Variants in BMPER observed in about 807,000 individuals in gnomAD.
BMPER encodes the protein BMP-binding endothelial regulator protein.
A neutral mutation model predicts 87.3 loss-of-function variants in BMPER; 45 were observed. That is an observed-to-expected ratio of 0.52 (90% CI 0.41 to 0.66). The LOEUF is 0.66. Among genes scored for constraint, BMPER ranks in the 30% least tolerant of loss-of-function variants. The pLI, the probability that BMPER is intolerant of heterozygous loss-of-function variation, is 0.00. For synonymous variants in BMPER, 326 were observed against 316.2 expected, an observed-to-expected ratio of 1.03 and a Z score of -0.33; for missense variants, 784 against 867.5, an observed-to-expected ratio of 0.90 and a Z score of 1.21.
chr7:34,132,982 T>C (rs959728495), intron 13 of BMPER, among the ~76,000 whole-genome samples: 1 of 152,108 alleles, frequency 6.6e-6, no homozygotes, highest in African/African-American at 2.4e-5. Flanking sequence ...ATCTTTTTTT[T>C]AAATTTGAAT....
intron 13 of BMPER, among the ~76,000 whole-genome samples, chr7:34,126,958 C>T (rs1485043739): frequency 6.6e-6 from 1 of 152,138 alleles, no homozygotes; most frequent in Non-Finnish European, 1.5e-5. Flanking sequence ...AGGTACCTTA[C>T]AATGATAGCA....
intron 3 of BMPER, among the ~76,000 whole-genome samples, chr7:33,941,430 A>G (rs553556077): frequency 6.6e-6 from 1 of 151,750 alleles, no homozygotes; most frequent in African/African-American, 2.4e-5. Context: ...ATTCAAACGT[A>G]TTACATTTAT....
intron 14 of BMPER, among the ~76,000 whole-genome samples, chr7:34,148,406 A>G (rs1018153506): frequency 8.5e-5 from 13 of 152,148 alleles, no homozygotes; most frequent in East Asian, 1.9e-4. Flanking sequence ...TTAAGAATCT[A>G]TTTACACATC....
At chr7:33,913,566 A>G (rs1158865155) in intron 2 of BMPER, among the ~76,000 whole-genome samples, 4 of 152,198 alleles carry the variant, frequency 2.6e-5, no homozygotes, top group East Asian at 3.9e-4. Context: ...GGATAAACCA[A>G]TGTTGCCCGG....
At chr7:33,941,583 C>T (rs936233770) in intron 3 of BMPER, among the ~76,000 whole-genome samples, 2 of 152,156 alleles carry the variant, frequency 1.3e-5, no homozygotes, top group African/African-American at 2.4e-5. Context: ...GACAGATCTT[C>T]ACACATTAGA....
chr7:34,126,561 G>A (rs565855539), intron 13 of BMPER, among the ~76,000 whole-genome samples: 27 of 152,274 alleles, frequency 1.8e-4, no homozygotes, highest in Non-Finnish European at 3.2e-4. Context: ...CCAAGAAGGC[G>A]TATGAGGATG....
chr7:33,937,493 T>A, intron 3 of BMPER, 105 bp downstream of exon 3: 1 of 1,092,830 alleles, frequency 9.2e-7, no homozygotes, highest in Non-Finnish European at 1.4e-6. Context: ...GGGGTGCACA[T>A]GGGTGGGGAG....
intron 6 of BMPER, among the ~76,000 whole-genome samples, chr7:34,031,838 A>C: frequency 7.1e-6 from 1 of 141,650 alleles, no homozygotes; most frequent in Non-Finnish European, 1.5e-5. Flanking sequence ...AAGGTAACTC[A>C]TTTATTATTT....
intron 13 of BMPER, among the ~76,000 whole-genome samples, chr7:34,133,976 G>A (rs1790656485): frequency 6.6e-6 from 1 of 152,144 alleles, no homozygotes; most frequent in African/African-American, 2.4e-5. Context: ...AAAAAAATAT[G>A]TGACGTTCGA....
intron 6 of BMPER, among the ~76,000 whole-genome samples, chr7:33,990,723 G>A (rs1424380309): frequency 1.5e-5 from 2 of 133,080 alleles, no homozygotes; most frequent in African/African-American, 2.8e-5. Flanking sequence ...TCCAGTTTTT[G>A]CCCATTCAGT....
At chr7:33,907,074 T>C (rs151142004) in intron 2 of BMPER, among the ~76,000 whole-genome samples, 171 bp downstream of exon 2, 2 of 152,340 alleles carry the variant, frequency 1.3e-5, no homozygotes, top group East Asian at 3.9e-4. Flanking sequence ...TTTTATGGAC[T>C]TTGGCAATTT....
chr7:33,905,556 G>A lies in BMPER; in HGVS notation c.-58G>A, dbSNP rs1344177594. ...CCCTTTTCGACTGTGAGCTGCGGCA[G>A]CTGAGCAGAGGCGGCGGCGCGGGAC... On this transcript the variant is annotated 5_prime_UTR_variant, in exon 1 of 15. Transcript: ENST00000649409. 2.9e-5 allele frequency: 46 copies of A among 1,600,452 alleles called. No individual in the cohort carries two copies. Among genetic ancestry groups the A allele is most frequent in the Non-Finnish European group, 3.8e-5 (45 of 1,178,072 alleles).
chr7:34,008,022 TTTTAA>T (rs1200458588), intron 6 of BMPER, among the ~76,000 whole-genome samples: 1 of 152,178 alleles, frequency 6.6e-6, no homozygotes, highest in East Asian at 1.9e-4. Context: ...GTTATTTTAG[TTTTAA>T]TTTGATTTTA....
intron 4 of BMPER, among the ~76,000 whole-genome samples, chr7:33,969,237 A>C (rs1785476679): frequency 6.6e-6 from 1 of 152,202 alleles, no homozygotes; most frequent in Non-Finnish European, 1.5e-5. Context: ...CAGCAACAAA[A>C]ACCAAACCAA....
intron 6 of BMPER, among the ~76,000 whole-genome samples, chr7:33,975,827 T>C (rs1314311416): frequency 1.3e-5 from 2 of 152,166 alleles, no homozygotes; most frequent in Non-Finnish European, 2.9e-5. Context: ...TCTCTACATG[T>C]CTTTTCGAAA....
chr7:33,923,784 C>G (rs1312070495), intron 2 of BMPER, among the ~76,000 whole-genome samples: 1 of 152,222 alleles, frequency 6.6e-6, no homozygotes, highest in Non-Finnish European at 1.5e-5. Context: ...ATGTGATGGA[C>G]TTATAAGCAT....
At chr7:34,027,273 T>A (rs930055355) in intron 6 of BMPER, among the ~76,000 whole-genome samples, 1 of 152,120 alleles carries the variant, frequency 6.6e-6, no homozygotes, top group Admixed American at 6.6e-5. Context: ...CCTTTTTGAC[T>A]ATGTTCACAT....
intron 6 of BMPER, among the ~76,000 whole-genome samples, chr7:33,991,748 G>A (rs1355080670): frequency 2.0e-5 from 3 of 148,878 alleles, no homozygotes; most frequent in Non-Finnish European, 4.5e-5. Context: ...TCTCTTGTGG[G>A]CATTTAGTGC....
At chr7:34,013,331 G>C (rs1186717539) in intron 6 of BMPER, among the ~76,000 whole-genome samples, 1 of 151,530 alleles carries the variant, frequency 6.6e-6, no homozygotes, top group African/African-American at 2.4e-5. Flanking sequence ...TGTATCATCA[G>C]TATTTCTTGA....
Sources: allele counts gnomAD v4.1 joint callset (sites outside exome capture counted in the v4.1 genomes callset), GRCh38; gene constraint gnomAD v4.1.1; transcripts MANE v1.5; gene names NCBI Gene and HGNC (gene_info 2026-07-23, HGNC 2026-07-21).